TEX35: variants seen among roughly 807,000 people sequenced by gnomAD.
The protein encoded by TEX35 is testis expressed 35.
A neutral mutation model predicts 31.9 loss-of-function variants in TEX35; 26 were observed. That is an observed-to-expected ratio of 0.81 (90% CI 0.60 to 1.13). TEX35 has a LOEUF of 1.13. Ranked by LOEUF, TEX35 falls within the 50% of genes most tolerant of loss-of-function variation. The pLI, the probability that TEX35 is intolerant of heterozygous loss-of-function variation, is 0.00. For missense variants in TEX35, 278 were observed against 273.5 expected, an observed-to-expected ratio of 1.02 and a Z score of -0.12; for synonymous variants, 87 against 90.7, an observed-to-expected ratio of 0.96 and a Z score of 0.23.
Position 178,516,609 on chromosome 1 carries a change from T to G in TEX35, c.217-6T>G. On this transcript the variant is annotated splice_polypyrimidine_tract_variant and splice_region_variant and intron_variant, in intron 4 of 8. Transcript: ENST00000319416. ...TTTGTCAAGCCATGCCTTTCTTCCT[T>G]GTTAGATAAAGGATCTAATGGACAA... 1.2e-6 allele frequency: 2 copies of G among 1,612,280 alleles called. No individual in the cohort carries two copies. Among genetic ancestry groups the G allele is most frequent in the Non-Finnish European group, 1.7e-6 (2 of 1,178,404 alleles).
chr1:178,514,652 C>A, intron 2 of TEX35, 48 bp from the exon 3 acceptor site: 2 of 1,571,642 alleles, frequency 1.3e-6, no homozygotes, highest in Non-Finnish European at 1.7e-6. Context: ...GCACTTCCAC[C>A]GCCCATCTGC....
At chr1:178,517,454 A>G (rs78748438) in intron 5 of TEX35, among the ~76,000 whole-genome samples, 2,074 of 152,280 alleles carry the variant, frequency 0.014, 18 homozygotes, top group Middle Eastern at 0.031. Flanking sequence ...TTGCCTGTGG[A>G]TGAGAACCAG....
chr1:178,516,526 C>T (rs948461519), intron 4 of TEX35, 89 bp from the exon 5 acceptor site: 4 of 1,109,842 alleles, frequency 3.6e-6, no homozygotes, highest in Non-Finnish European at 5.5e-6. Context: ...GCAGCCACTG[C>T]CCTTTGCTTA....
chr1:178,523,304 A>G (rs1377256941), downstream of TEX35: 2 of 701,726 alleles, frequency 2.9e-6, no homozygotes, highest in Admixed American at 2.0e-5. Context: ...TCTTGTAGGT[A>G]TATACGCTGC....
rs988316275 is a variant in TEX35 at position 178,522,316 on chromosome 1, C to T, written c.587-9C>T. On this transcript the variant is annotated splice_polypyrimidine_tract_variant and intron_variant, in intron 8 of 8. Transcript: ENST00000319416. The stretch of plus-strand genomic sequence containing the variant: ...TGAAGGTTTCCTCTCCCTCCCTCCA[C>T]CCCCAAAGGGAACATTCCTTCAGAG... The T allele has an allele frequency of 8.2e-6, 13 of 1,580,656 alleles. No homozygotes were observed. Among genetic ancestry groups the T allele is most frequent in the African/African-American group, 1.3e-5 (1 of 74,360 alleles).
intron 3 of TEX35, 130 bp from the exon 4 acceptor site, chr1:178,515,729 C>A (rs1006743546): frequency 8.4e-6 from 6 of 713,456 alleles, no homozygotes; most frequent in Admixed American, 2.5e-5. Flanking sequence ...TCAACAACAT[C>A]TTTTCTTTCC....
intron 6 of TEX35, 49 bp from the exon 7 acceptor site, chr1:178,520,624 G>A (rs757178578): frequency 6.3e-7 from 1 of 1,599,936 alleles, no homozygotes; most frequent in South Asian, 1.1e-5. Context: ...TTGTCATGCT[G>A]CAAAATGTCT....
At chr1:178,514,910 C>T in intron 3 of TEX35, 142 bp downstream of exon 3, 1 of 700,426 alleles carries the variant, frequency 1.4e-6, no homozygotes, top group Non-Finnish European at 2.4e-6. Flanking sequence ...CAGAAGTTAA[C>T]ACACAGACAA....
chr1:178,521,027 C>A, intron 7 of TEX35, 153 bp downstream of exon 7: 3 of 1,539,598 alleles, frequency 1.9e-6, no homozygotes, highest in Non-Finnish European at 2.6e-6. Context: ...CCCTCCCTGA[C>A]CTGCCTTGCC....
chr1:178,516,608 T>C lies in TEX35; in HGVS notation c.217-7T>C. On this transcript the variant is annotated splice_polypyrimidine_tract_variant and splice_region_variant and intron_variant, in intron 4 of 8. Coordinates refer to ENST00000319416, the MANE Select transcript of TEX35 (RefSeq NM_032126.5). ...CTTTGTCAAGCCATGCCTTTCTTCC[T>C]TGTTAGATAAAGGATCTAATGGACA... The C allele has an allele frequency of 1.2e-6, 2 of 1,612,460 alleles. No individual in the cohort carries two copies. The highest frequency in any genetic ancestry group is 1.7e-6 in the Non-Finnish European group (2 of 1,178,586).
At chr1:178,514,315 G>A (rs993317579) in intron 2 of TEX35, 2 of 1,386,554 alleles carry the variant, frequency 1.4e-6, no homozygotes, top group Non-Finnish European at 1.9e-6. Flanking sequence ...AGGGAGACAT[G>A]TCTGAGTGGC....
chr1:178,516,868 G>A (rs1357469028), intron 5 of TEX35, among the ~76,000 whole-genome samples, 194 bp downstream of exon 5: 11 of 152,166 alleles, frequency 7.2e-5, no homozygotes, highest in Admixed American at 3.9e-4. Flanking sequence ...AAATGAATGC[G>A]GGTTGGAGTA....
downstream of TEX35, chr1:178,523,161 A>G (rs1316131095): frequency 1.2e-5 from 7 of 571,370 alleles, no homozygotes; most frequent in African/African-American, 1.2e-4. Context: ...ATAGAACTCA[A>G]TTGTGTGTGT....
chr1:178,520,549 G>C (rs1415941240), intron 6 of TEX35, 113 bp downstream of exon 6: 1 of 1,601,224 alleles, frequency 6.2e-7, no homozygotes, highest in Non-Finnish European at 8.5e-7. Context: ...AGTTGTCTTT[G>C]CTCCTACTGC....
At chr1:178,520,593 A>G (rs1231151703) in intron 6 of TEX35, 80 bp from the exon 7 acceptor site, 9 of 1,591,542 alleles carry the variant, frequency 5.7e-6, no homozygotes, top group Non-Finnish European at 7.7e-6. Flanking sequence ...TTCCATGGCC[A>G]CCCGTGTACT....
intron 8 of TEX35, 130 bp from the exon 9 acceptor site, chr1:178,522,195 T>C: frequency 7.7e-7 from 1 of 1,292,944 alleles, no homozygotes. Context: ...ACCACACCCC[T>C]CTGAGGTCTT....
chr1:178,521,191 A>G, intron 7 of TEX35, 31 bp from the exon 8 acceptor site: 1 of 1,614,082 alleles, frequency 6.2e-7, no homozygotes, highest in Non-Finnish European at 8.5e-7. Flanking sequence ...GGGGAAATTG[A>G]TCTTTCTTGT....
Position 178,520,405 on chromosome 1 carries a change from ATT to A in TEX35, c.313_314del (p.Leu105AsnfsTer8). 2 of 1,614,180 alleles carry A rather than the reference ATT, an allele frequency of 1.2e-6. No individual in the cohort carries two copies. Among genetic ancestry groups the A allele is most frequent in the Non-Finnish European group, 1.7e-6 (2 of 1,180,032 alleles). On this transcript the variant is annotated frameshift_variant, in exon 6 of 9. Coordinates refer to ENST00000319416, the MANE Select transcript of TEX35 (RefSeq NM_032126.5). LOFTEE classifies it high-confidence loss of function. ...GAAAGATATGGATGAGAAGATGGACATTTTAATAAATACACAGAAGAACTATA... is the reference window on the plus strand; with the variant it reads ...GAAAGATATGGATGAGAAGATGGACATTAATAAATACACAGAAGAACTATA... ...MQKDMDEKMD[I>X]LINTQKNYKL...
chr1:178,519,687 A>T (rs1229124514), intron 5 of TEX35, among the ~76,000 whole-genome samples: 1 of 152,144 alleles, frequency 6.6e-6, no homozygotes, highest in East Asian at 1.9e-4. Context: ...TATTGGAATA[A>T]ATTGTTTTTA....
Sources: allele counts gnomAD v4.1 joint callset (sites outside exome capture counted in the v4.1 genomes callset), GRCh38; gene constraint gnomAD v4.1.1; transcripts MANE v1.5; gene names NCBI Gene and HGNC (gene_info 2026-07-23, HGNC 2026-07-21).